Variants in HS6ST3 observed in about 807,000 individuals in gnomAD.
HS6ST3 encodes the protein heparan sulfate 6-O-sulfotransferase 3.
Under a neutral mutation model 36.7 loss-of-function variants are expected in HS6ST3, and 12 were observed. That is an observed-to-expected ratio of 0.33 (90% CI 0.21 to 0.53). The LOEUF is 0.53. HS6ST3 is among the 20% of genes least tolerant of loss of function. HS6ST3 has a pLI of 0.95. For missense variants in HS6ST3, 584 were observed against 640.9 expected (o/e 0.91, Z 0.96); for synonymous variants, 240 against 257.5 (o/e 0.93, Z 0.65).
At chr13:96,688,190 C>T (rs1326930214) in intron 1 of HS6ST3, among the ~76,000 whole-genome samples, 1 of 136,616 alleles carries the variant, frequency 7.3e-6, no homozygotes, top group Non-Finnish European at 1.5e-5. Flanking sequence ...GGACATTGTG[C>T]ACATGTACCC....
intron 1 of HS6ST3, among the ~76,000 whole-genome samples, chr13:96,185,081 T>C (rs1405462224): frequency 6.6e-6 from 1 of 152,234 alleles, no homozygotes; most frequent in Non-Finnish European, 1.5e-5. Context: ...ATTGTGTATT[T>C]GTAGTTTGTT....
intron 1 of HS6ST3, among the ~76,000 whole-genome samples, chr13:96,612,311 G>C (rs2056459667): frequency 6.6e-6 from 1 of 151,674 alleles, no homozygotes; most frequent in Non-Finnish European, 1.5e-5. Flanking sequence ...ACTCTTTCTT[G>C]GTTTCCCCCA....
intron 1 of HS6ST3, among the ~76,000 whole-genome samples, chr13:96,156,358 A>G (rs752811162): frequency 9.9e-5 from 15 of 152,212 alleles, no homozygotes; most frequent in Non-Finnish European, 1.5e-4. Flanking sequence ...GAGAATGCTG[A>G]AAACCCAGAT....
At chr13:96,578,959 A>G (rs1389778065) in intron 1 of HS6ST3, among the ~76,000 whole-genome samples, 1 of 152,146 alleles carries the variant, frequency 6.6e-6, no homozygotes, top group South Asian at 2.1e-4. Context: ...CTCTGTAATT[A>G]TGAATTGTCC....
chr13:96,199,138 T>A (rs1169972992), intron 1 of HS6ST3, among the ~76,000 whole-genome samples: 1 of 152,188 alleles, frequency 6.6e-6, no homozygotes, highest in Non-Finnish European at 1.5e-5. Flanking sequence ...GTCCCCATGA[T>A]GCAGTTACCT....
intron 1 of HS6ST3, among the ~76,000 whole-genome samples, chr13:96,352,567 A>G (rs1366468720): frequency 6.6e-6 from 1 of 152,192 alleles, no homozygotes; most frequent in East Asian, 1.9e-4. Flanking sequence ...AATCATTTTC[A>G]TAATATCCTG....
intron 1 of HS6ST3, among the ~76,000 whole-genome samples, chr13:96,255,954 C>G (rs1403895991): frequency 6.6e-6 from 1 of 152,188 alleles, no homozygotes; most frequent in Non-Finnish European, 1.5e-5. Flanking sequence ...CAAATAAACT[C>G]ACCATTAACC....
intron 1 of HS6ST3, among the ~76,000 whole-genome samples, chr13:96,135,449 C>T (rs189124111): frequency 1.9e-4 from 29 of 152,056 alleles, no homozygotes; most frequent in Admixed American, 1.2e-3. Context: ...ATATGAGGAA[C>T]AGTTGAAGGA....
chr13:96,617,270 T>C (rs1047643614), intron 1 of HS6ST3, among the ~76,000 whole-genome samples: 4 of 152,220 alleles, frequency 2.6e-5, no homozygotes, highest in African/African-American at 9.6e-5. Context: ...TCCTTTAGTC[T>C]CTTAGTTTTT....
intron 1 of HS6ST3, among the ~76,000 whole-genome samples, chr13:96,706,216 G>A (rs1472317783): frequency 6.6e-6 from 1 of 151,726 alleles, no homozygotes; most frequent in Non-Finnish European, 1.5e-5. Flanking sequence ...AGGACCATAT[G>A]CCCCTAACAA....
At chr13:96,725,720 A>G (rs1438394689) in intron 1 of HS6ST3, among the ~76,000 whole-genome samples, 1 of 152,072 alleles carries the variant, frequency 6.6e-6, no homozygotes, top group East Asian at 1.9e-4. Context: ...ATCTATTGAG[A>G]AAAGAAGAGA....
intron 1 of HS6ST3, among the ~76,000 whole-genome samples, chr13:96,678,827 C>G (rs1352366685): frequency 6.6e-6 from 1 of 152,044 alleles, no homozygotes; most frequent in East Asian, 1.9e-4. Flanking sequence ...TAATTACCTC[C>G]CTATCCCTTT....
At chr13:96,272,711 C>T (rs967463658) in intron 1 of HS6ST3, among the ~76,000 whole-genome samples, 1 of 151,892 alleles carries the variant, frequency 6.6e-6, no homozygotes, top group African/African-American at 2.4e-5. Context: ...AGACTATAAG[C>T]TATACAGTTA....
At chr13:96,233,800 G>A (rs531069617) in intron 1 of HS6ST3, among the ~76,000 whole-genome samples, 2 of 152,178 alleles carry the variant, frequency 1.3e-5, no homozygotes, top group South Asian at 2.1e-4. Flanking sequence ...AGATGTGGTC[G>A]GAGCAAGTCT....
intron 1 of HS6ST3, among the ~76,000 whole-genome samples, chr13:96,285,875 C>G (rs1364386497): frequency 6.6e-6 from 1 of 151,688 alleles, no homozygotes; most frequent in Non-Finnish European, 1.5e-5. Flanking sequence ...CTTCCTCTCT[C>G]TTTTCCTCTC....
intron 1 of HS6ST3, among the ~76,000 whole-genome samples, chr13:96,760,546 G>A (rs1876945167): frequency 6.6e-6 from 1 of 151,954 alleles, no homozygotes; most frequent in Non-Finnish European, 1.5e-5. Flanking sequence ...TTTAAAATCT[G>A]CATTTACAGT....
chr13:96,472,519 C>T (rs1011393567), intron 1 of HS6ST3, among the ~76,000 whole-genome samples: 3 of 152,160 alleles, frequency 2.0e-5, no homozygotes, highest in African/African-American at 7.2e-5. Flanking sequence ...TCCATGATTC[C>T]ATGAAACACA....
chr13:96,182,528 G>A (rs540579273), intron 1 of HS6ST3, among the ~76,000 whole-genome samples: 2 of 152,196 alleles, frequency 1.3e-5, no homozygotes, highest in Non-Finnish European at 2.9e-5. Flanking sequence ...ATGAAGAGGA[G>A]TATTGATTTT....
At chr13:96,234,044 A>G (rs760732880) in intron 1 of HS6ST3, among the ~76,000 whole-genome samples, 1 of 151,994 alleles carries the variant, frequency 6.6e-6, no homozygotes, top group Non-Finnish European at 1.5e-5. Flanking sequence ...ACGTTCTGCA[A>G]TGGATGCAAC....
Sources: gnomAD v4.1 joint callset for allele counts (sites outside exome capture counted in the v4.1 genomes callset) on GRCh38, gnomAD v4.1.1 for gene constraint, MANE v1.5 for transcripts, NCBI Gene and HGNC (gene_info 2026-07-23, HGNC 2026-07-21) for gene names.